The following ADGB variants were observed in gnomAD, a reference collection of about 807,000 sequenced individuals.
ADGB encodes the protein calpain-7-like protein.
A neutral mutation model predicts 210.5 loss-of-function variants in ADGB; 172 were observed. The ratio of observed to expected loss-of-function variants is 0.82; its 90% CI spans 0.72 to 0.93. The LOEUF (loss-of-function observed/expected upper bound fraction) is 0.93, where lower values mean the gene tolerates loss of function less well. ADGB is among the 40% of genes least tolerant of loss of function. The probability of loss-of-function intolerance (pLI) is 0.00; values close to 1 mark genes in which losing one functional copy is unlikely to be tolerated. For synonymous variants in ADGB, 658 were observed against 662.7 expected (o/e 0.99, Z 0.11); for missense variants, 2,025 against 1,964.8 (o/e 1.03, Z -0.58).
At chr6:146,723,335 G>A (rs542245041) in intron 17 of ADGB, among the ~76,000 whole-genome samples, 31 of 152,198 alleles carry the variant, frequency 2.0e-4, no homozygotes, top group African/African-American at 7.0e-4. Flanking sequence ...TGAACAATTA[G>A]CCTATATTAT....
At chr6:146,763,778 T>C in intron 27 of ADGB, 123 bp from the exon 28 acceptor site, 1 of 857,858 alleles carries the variant, frequency 1.2e-6, no homozygotes, top group East Asian at 2.7e-5. Context: ...GTTTTTTATC[T>C]CACTAAAACA....
rs1171514965 is a variant in ADGB, at chr6:146,763,933, T to G, written c.3583T>G (p.Ser1195Ala). 1 of 1,551,234 alleles carries G rather than the reference T, an allele frequency of 6.4e-7. No individual in the cohort carries two copies. Among genetic ancestry groups the G allele is most frequent in the Admixed American group, 2.0e-5 (1 of 50,914 alleles). The change falls in exon 28 of 36, where the codon TCC (serine) becomes GCC (alanine). Residue 1195 changes from serine to alanine, a missense_variant. Physicochemically the swap from Ser to Ala is moderately conservative, Grantham distance 99 (BLOSUM62 1). Coordinates refer to ENST00000397944, the MANE Select transcript of ADGB (RefSeq NM_024694.4). The stretch of plus-strand genomic sequence containing the variant: ...GCACATTCTTTCATTTCACTCTGCA[T>G]CCAAGAAAGAGCAAGAAGTGTATGT... ...SKHILSFHSA[S>A]KKEQEVYVKK...
chr6:146,712,940 A>G (rs1374017234), intron 13 of ADGB, among the ~76,000 whole-genome samples: 3 of 151,808 alleles, frequency 2.0e-5, no homozygotes, highest in Non-Finnish European at 4.4e-5. Flanking sequence ...GAAAACCACC[A>G]TTCCACTTTC....
intron 13 of ADGB, among the ~76,000 whole-genome samples, chr6:146,712,184 G>GTTT (rs112151598): frequency 1.7e-4 from 26 of 149,894 alleles, no homozygotes; most frequent in African/African-American, 6.4e-4. Flanking sequence ...GTTTTGTTTT[G>GTTT]TTTTTTTTTG....
At chr6:146,810,775 A>G (rs1778292222) in intron 35 of ADGB, among the ~76,000 whole-genome samples, 1 of 152,172 alleles carries the variant, frequency 6.6e-6, no homozygotes, top group South Asian at 2.1e-4. Context: ...AAAGTGTAGG[A>G]CAGTGGTTAC....
intron 2 of ADGB, among the ~76,000 whole-genome samples, chr6:146,642,242 T>C (rs752537702): frequency 8.6e-5 from 13 of 152,020 alleles, no homozygotes; most frequent in Non-Finnish European, 1.9e-4. Context: ...GAACAGATGC[T>C]GGTGAGGTTG....
chr6:146,768,978 G>A (rs1487375441), intron 28 of ADGB, 42 bp from the exon 29 acceptor site: 29 of 1,095,410 alleles, frequency 2.6e-5, no homozygotes, highest in Non-Finnish European at 3.6e-5. Context: ...CACATACCAT[G>A]TATGTTCTTA....
At chr6:146,710,851 A>G (rs1776648474) in intron 13 of ADGB, among the ~76,000 whole-genome samples, 1 of 152,140 alleles carries the variant, frequency 6.6e-6, no homozygotes, top group Non-Finnish European at 1.5e-5. Flanking sequence ...GCTTCTTCTG[A>G]TACATATCTC....
At chr6:146,599,305 C>T (rs1373172353) in intron 1 of ADGB, among the ~76,000 whole-genome samples, 191 bp downstream of exon 1, 1 of 152,176 alleles carries the variant, frequency 6.6e-6, no homozygotes, top group Non-Finnish European at 1.5e-5. Context: ...TGTCTTGACT[C>T]ACTTCCTTTC....
chr6:146,635,303 T>G (rs1361615420), intron 1 of ADGB, 72 bp from the exon 2 acceptor site: 2 of 1,267,526 alleles, frequency 1.6e-6, no homozygotes, highest in Non-Finnish European at 1.0e-6. Flanking sequence ...ATTTATGTTA[T>G]GCAGTTAATC....
intron 16 of ADGB, among the ~76,000 whole-genome samples, chr6:146,721,127 T>C (rs1776806882): frequency 6.6e-6 from 1 of 152,162 alleles, no homozygotes; most frequent in Non-Finnish European, 1.5e-5. Context: ...AACAAGCATA[T>C]CCCTCTTCTG....
intron 1 of ADGB, among the ~76,000 whole-genome samples, chr6:146,627,425 T>C (rs1429885199): frequency 3.3e-5 from 5 of 152,130 alleles, no homozygotes; most frequent in African/African-American, 1.2e-4. Flanking sequence ...AGGGTACGTT[T>C]AGTTGCTTAG....
chr6:146,813,601 C>T (rs1778335318), intron 35 of ADGB, among the ~76,000 whole-genome samples: 1 of 149,574 alleles, frequency 6.7e-6, no homozygotes, highest in South Asian at 2.2e-4. Context: ...ACTGTTGTGT[C>T]CCCAGACCTT....
Position 146,774,908 on chromosome 6 carries a change from G to A in ADGB, c.3862+5777G>A, listed in dbSNP as rs184986385. On this transcript the variant is annotated intron_variant, in intron 29 of 35. Coordinates refer to ENST00000397944, the MANE Select transcript of ADGB (RefSeq NM_024694.4). ...GTGCCTCACCCTCCCAAGTAGCTGG[G>A]ATTACAGACGTGCGCCACCATGCCT... Among the ~76,000 whole-genome samples, 155 of 152,162 alleles carry A rather than the reference G, an allele frequency of 1.0e-3. 1 individual carries two copies. Among genetic ancestry groups the A allele is most frequent in the Non-Finnish European group, 1.5e-3 (101 of 68,004 alleles).
chr6:146,774,835 T>C (rs1203892750), intron 29 of ADGB, among the ~76,000 whole-genome samples: 5 of 152,124 alleles, frequency 3.3e-5, no homozygotes, highest in Admixed American at 6.5e-5. Flanking sequence ...CCACTTAGCT[T>C]ACTTTGGTTT....
chr6:146,785,133 G>C (rs142251584), intron 31 of ADGB, among the ~76,000 whole-genome samples: 1,589 of 152,196 alleles, frequency 0.01, 86 homozygotes, highest in Admixed American at 0.096. Flanking sequence ...TTTAATATGT[G>C]CTTTACTACA....
intron 9 of ADGB, among the ~76,000 whole-genome samples, chr6:146,682,687 T>C (rs1206482987): frequency 1.3e-5 from 2 of 152,154 alleles, no homozygotes; most frequent in East Asian, 1.9e-4. Context: ...AGCAGTTTTA[T>C]TGATATATAA....
chr6:146,679,760 A>G (rs1427128259), intron 9 of ADGB, among the ~76,000 whole-genome samples: 2 of 152,216 alleles, frequency 1.3e-5, no homozygotes, highest in African/African-American at 4.8e-5. Context: ...TCTCTAAATA[A>G]CTACATTGAA....
rs553867722 is a variant in ADGB at position 146,798,071 on chromosome 6, T to C, written c.4538-3112T>C. Among the ~76,000 whole-genome samples the C allele has an allele frequency of 9.2e-5, 14 of 151,850 alleles. No homozygotes were observed. In the South Asian group the frequency reaches 2.9e-3, roughly 31 times the overall value. ...AAACAAAGGAAATAAAGAAAATTCA[T>C]AGAAATTAAGGCAAATTTAAACACA... On this transcript the variant is annotated intron_variant, in intron 33 of 35. Transcript: ENST00000397944.
Sources: allele counts gnomAD v4.1 joint callset (sites outside exome capture counted in the v4.1 genomes callset), GRCh38; gene constraint gnomAD v4.1.1; transcripts MANE v1.5; gene names NCBI Gene and HGNC (gene_info 2026-07-23, HGNC 2026-07-21).